The following RPS6KC1 variants were observed in gnomAD, a reference collection of about 807,000 sequenced individuals.
RPS6KC1 encodes the protein ribosomal protein S6 kinase C1.
Under a neutral mutation model 103.8 loss-of-function variants are expected in RPS6KC1, and 54 were observed. The ratio of observed to expected loss-of-function variants is 0.52; its 90% confidence interval spans 0.42 to 0.65. RPS6KC1 has a LOEUF of 0.65. RPS6KC1 is among the 30% of genes least tolerant of loss of function. The probability of loss-of-function intolerance (pLI) is 0.00; values close to 1 mark genes in which losing one functional copy is unlikely to be tolerated. For synonymous variants in RPS6KC1, 439 were observed against 438.7 expected, an observed-to-expected ratio of 1.00 and a Z score of -0.01; for missense variants, 1,151 against 1,253.8, an observed-to-expected ratio of 0.92 and a Z score of 1.24.
the RPS6KC1 span, among the ~76,000 whole-genome samples, chr1:213,376,855 G>A: frequency 6.6e-6 from 1 of 152,244 alleles, no homozygotes; most frequent in Admixed American, 6.5e-5. Context: ...CTCTTCAGAT[G>A]AAGCTGGAGG....
rs115775162 is a variant in RPS6KC1 at position 213,208,532 on chromosome 1, C to T, written c.1045-21965C>T. On this transcript the variant is annotated intron_variant, in intron 8 of 14. Transcript: ENST00000366960. ...ATCTTTTTTCCATTTGGGTAACAAT[C>T]TAGATGTTTTGTTGGGAGATCAAAC... Among the ~76,000 whole-genome samples, 482 of 152,208 alleles carry T rather than the reference C, an allele frequency of 3.2e-3. 4 individuals carry two copies. Among genetic ancestry groups the T allele is most frequent in the African/African-American group, 0.011 (459 of 41,512 alleles).
At chr1:213,795,912 G>A in the RPS6KC1 span, among the ~76,000 whole-genome samples, 3 of 152,274 alleles carry the variant, frequency 2.0e-5, no homozygotes, top group African/African-American at 4.8e-5. Context: ...CAGAGCAGCT[G>A]TCATTGGCTG....
At chr1:213,581,560 T>C in the RPS6KC1 span, among the ~76,000 whole-genome samples, 16 of 152,150 alleles carry the variant, frequency 1.1e-4, no homozygotes, top group East Asian at 3.1e-3. Flanking sequence ...TTGTTACCCA[T>C]TGGCTCCAGG....
intron 6 of RPS6KC1, among the ~76,000 whole-genome samples, 155 bp downstream of exon 6, chr1:213,130,044 T>G (rs1346733819): frequency 6.6e-6 from 1 of 152,212 alleles, no homozygotes; most frequent in East Asian, 1.9e-4. Context: ...ATATATACTT[T>G]AAGTTCCTTG....
At chr1:213,349,935 ACT>A in the RPS6KC1 span, among the ~76,000 whole-genome samples, 1 of 151,844 alleles carries the variant, frequency 6.6e-6, no homozygotes, top group Non-Finnish European at 1.5e-5. Context: ...TGTGTGTCAG[ACT>A]CTATATCCTG....
At chr1:213,495,755 C>T in the RPS6KC1 span, among the ~76,000 whole-genome samples, 1 of 152,132 alleles carries the variant, frequency 6.6e-6, no homozygotes, top group South Asian at 2.1e-4. Context: ...TCTCTACTAC[C>T]TTTCTTTTAT....
intron 8 of RPS6KC1, among the ~76,000 whole-genome samples, chr1:213,224,842 A>C (rs184863323): frequency 2.0e-5 from 3 of 152,214 alleles, no homozygotes; most frequent in African/African-American, 7.2e-5. Context: ...TTGTGCATGC[A>C]ACTATAATAT....
chr1:213,061,450 G>C (rs903216235), intron 1 of RPS6KC1, among the ~76,000 whole-genome samples: 7 of 152,178 alleles, frequency 4.6e-5, no homozygotes, highest in Admixed American at 1.3e-4. Context: ...TTGCCAACCA[G>C]TGCCACCTGT....
the RPS6KC1 span, among the ~76,000 whole-genome samples, chr1:213,592,793 G>C: frequency 6.6e-6 from 1 of 152,178 alleles, no homozygotes; most frequent in Non-Finnish European, 1.5e-5. Context: ...GGACAAGAGG[G>C]GCAAGCTTTG....
At chr1:213,633,647 CA>C in the RPS6KC1 span, among the ~76,000 whole-genome samples, 1 of 151,708 alleles carries the variant, frequency 6.6e-6, no homozygotes, top group Non-Finnish European at 1.5e-5. Context: ...AACTAATGGG[CA>C]AAATAACCAC....
At chr1:213,339,448 C>A in the RPS6KC1 span, among the ~76,000 whole-genome samples, 1 of 152,130 alleles carries the variant, frequency 6.6e-6, no homozygotes, top group Non-Finnish European at 1.5e-5. Flanking sequence ...AATTGTCCAT[C>A]CACACAGTTA....
chr1:213,841,170 A>G, the RPS6KC1 span: 4 of 152,182 alleles, frequency 2.6e-5, no homozygotes, highest in Non-Finnish European at 4.4e-5. Flanking sequence ...GAATTGGTCT[A>G]CTGTGATGGT....
At chr1:213,572,036 C>G in the RPS6KC1 span, among the ~76,000 whole-genome samples, 2 of 152,202 alleles carry the variant, frequency 1.3e-5, no homozygotes, top group South Asian at 4.2e-4. Context: ...CTGTGACGTT[C>G]TGTTTAGGCT....
chr1:213,605,906 G>A, the RPS6KC1 span, among the ~76,000 whole-genome samples: 16 of 152,270 alleles, frequency 1.1e-4, no homozygotes, highest in Non-Finnish European at 1.3e-4. Flanking sequence ...GGATGCCGCC[G>A]ATTACAGAAT....
chr1:213,061,861 C>T (rs1190976829), intron 1 of RPS6KC1, among the ~76,000 whole-genome samples: 2 of 152,134 alleles, frequency 1.3e-5, no homozygotes, highest in African/African-American at 4.8e-5. Flanking sequence ...TGTACCTTGA[C>T]ACTTAGTGTA....
chr1:213,413,486 T>G, the RPS6KC1 span, among the ~76,000 whole-genome samples: 1 of 152,244 alleles, frequency 6.6e-6, no homozygotes, highest in African/African-American at 2.4e-5. Flanking sequence ...TTGCCTGGGG[T>G]TGCAGTCTTA....
At chr1:213,390,598 C>T in the RPS6KC1 span, among the ~76,000 whole-genome samples, 1 of 152,200 alleles carries the variant, frequency 6.6e-6, no homozygotes, top group East Asian at 1.9e-4. Flanking sequence ...AGGATCACTT[C>T]TGAGTTTAGT....
the RPS6KC1 span, among the ~76,000 whole-genome samples, chr1:213,364,747 A>G: frequency 6.6e-6 from 1 of 152,108 alleles, no homozygotes; most frequent in Non-Finnish European, 1.5e-5. Context: ...TGAGGTCAGG[A>G]GTTTGAGACC....
chr1:213,104,594 TTA>T, intron 4 of RPS6KC1, 25 bp downstream of exon 4: 1 of 1,245,624 alleles, frequency 8.0e-7, no homozygotes, highest in Non-Finnish European at 1.1e-6. Context: ...CTGGAATATT[TTA>T]TATCTTATTA....
Sources: gnomAD v4.1 joint callset for allele counts (sites outside exome capture counted in the v4.1 genomes callset) on GRCh38, gnomAD v4.1.1 for gene constraint, MANE v1.5 for transcripts, NCBI Gene and HGNC (gene_info 2026-07-23, HGNC 2026-07-21) for gene names.